The following IPO11 variants were observed in gnomAD, a reference collection of about 807,000 sequenced individuals.
The protein encoded by IPO11 is importin 11.
In IPO11, 66 loss-of-function variants were observed where a neutral mutation model predicts 143.2. The ratio of observed to expected loss-of-function variants is 0.46; its 90% CI spans 0.38 to 0.57. The LOEUF (loss-of-function observed/expected upper bound fraction) is 0.57, where lower values mean the gene tolerates loss of function less well. Ranked by LOEUF, IPO11 falls within the 20% of genes least tolerant of loss-of-function variation. The pLI is 0.00. For missense variants in IPO11, 1,026 were observed against 1,141.0 expected (o/e 0.90, Z 1.45); for synonymous variants, 385 against 377.8 (o/e 1.02, Z -0.22).
intron 28 of IPO11, among the ~76,000 whole-genome samples, chr5:62,598,867 C>A (rs1001212602): frequency 4.0e-5 from 6 of 151,628 alleles, no homozygotes. Context: ...CTTATATCAG[C>A]CTAGCTGAAA....
At chr5:62,534,439 A>G (rs564921499) in intron 22 of IPO11, among the ~76,000 whole-genome samples, 2 of 152,312 alleles carry the variant, frequency 1.3e-5, no homozygotes, top group African/African-American at 4.8e-5. Flanking sequence ...AGAAATTTAA[A>G]GGAATATATA....
chr5:62,496,214 G>T (rs1741146838), intron 16 of IPO11, among the ~76,000 whole-genome samples: 1 of 151,928 alleles, frequency 6.6e-6, no homozygotes, highest in South Asian at 2.1e-4. Context: ...CTTGAACCTG[G>T]GAGGCAAAGG....
intron 3 of IPO11, among the ~76,000 whole-genome samples, chr5:62,449,128 G>A (rs1477627073): frequency 6.6e-6 from 1 of 152,018 alleles, no homozygotes; most frequent in Non-Finnish European, 1.5e-5. Flanking sequence ...TGACCTCTTG[G>A]GCTCATAGGA....
chr5:62,540,286 A>T (rs183040673), intron 24 of IPO11, among the ~76,000 whole-genome samples: 10 of 150,852 alleles, frequency 6.6e-5, no homozygotes, highest in Admixed American at 6.6e-4. Context: ...TTCCTCAGTT[A>T]TTAGATGAGG....
chr5:62,615,781 C>T (rs1746108914), intron 29 of IPO11, among the ~76,000 whole-genome samples: 2 of 152,180 alleles, frequency 1.3e-5, no homozygotes, highest in Admixed American at 6.5e-5. Flanking sequence ...CATTTGTTTA[C>T]TTTCCTTGGA....
At chr5:62,551,784 A>T (rs1263577208) in intron 26 of IPO11, among the ~76,000 whole-genome samples, 1 of 152,176 alleles carries the variant, frequency 6.6e-6, no homozygotes, top group African/African-American at 2.4e-5. Context: ...TGTAGTTGAT[A>T]TCTGTTACCA....
chr5:62,570,559 C>T (rs1015184514), intron 27 of IPO11, among the ~76,000 whole-genome samples: 2 of 152,138 alleles, frequency 1.3e-5, no homozygotes, highest in Non-Finnish European at 2.9e-5. Context: ...ACTGAGGGCA[C>T]ATTGTACTTC....
chr5:62,600,608 C>G (rs1490089444), intron 28 of IPO11, among the ~76,000 whole-genome samples: 5 of 152,114 alleles, frequency 3.3e-5, no homozygotes, highest in Non-Finnish European at 1.5e-5. Flanking sequence ...TATTAAATAG[C>G]TTTTGGGTTG....
intron 29 of IPO11, among the ~76,000 whole-genome samples, chr5:62,610,929 C>T (rs141093139): frequency 1.1e-3 from 174 of 152,190 alleles, no homozygotes; most frequent in Non-Finnish European, 1.3e-3. Context: ...TAACTTATTA[C>T]CAGGCCAGTT....
At chr5:62,520,376 T>C (rs556830448) in intron 20 of IPO11, among the ~76,000 whole-genome samples, 231 of 129,494 alleles carry the variant, frequency 1.8e-3, no homozygotes, top group African/African-American at 8.5e-3. Context: ...ATACGACAGA[T>C]TTTTTTTTTT....
intron 21 of IPO11, 170 bp downstream of exon 21, chr5:62,526,427 A>G (rs1409280318): frequency 5.8e-6 from 3 of 513,648 alleles, no homozygotes; most frequent in Non-Finnish European, 1.0e-5. Flanking sequence ...CAATCAGTGT[A>G]GGATTATAGT....
intron 28 of IPO11, among the ~76,000 whole-genome samples, chr5:62,592,192 T>A (rs1419553351): frequency 1.3e-5 from 2 of 152,212 alleles, no homozygotes; most frequent in Non-Finnish European, 2.9e-5. Context: ...TGAATTGAGC[T>A]GCTTTGATTT....
At chr5:62,537,675 A>G (rs1308129911) in intron 24 of IPO11, among the ~76,000 whole-genome samples, 4 of 152,174 alleles carry the variant, frequency 2.6e-5, no homozygotes, top group African/African-American at 7.2e-5. Context: ...TGTTGGGACA[A>G]AGTTTTCACG....
chr5:62,502,803 C>CTTT (rs1741393654), intron 16 of IPO11, among the ~76,000 whole-genome samples: 1 of 151,544 alleles, frequency 6.6e-6, no homozygotes, highest in Admixed American at 6.6e-5. Flanking sequence ...TTTTCTTTTC[C>CTTT]TTTCCTTTCC....
At chr5:62,624,780 C>T (rs1053506751) in intron 29 of IPO11, among the ~76,000 whole-genome samples, 1 of 151,886 alleles carries the variant, frequency 6.6e-6, no homozygotes, top group Non-Finnish European at 1.5e-5. Context: ...GTCAGGAGAT[C>T]GAGATCATCC....
intron 21 of IPO11, 134 bp downstream of exon 21, chr5:62,526,391 A>G (rs1469956012): frequency 6.6e-6 from 4 of 607,408 alleles, no homozygotes; most frequent in Non-Finnish European, 5.8e-6. Context: ...AAACTGGGGC[A>G]TATATCTCCT....
intron 1 of IPO11, among the ~76,000 whole-genome samples, chr5:62,414,387 A>G (rs1014180122): frequency 2.0e-5 from 3 of 152,130 alleles, no homozygotes; most frequent in South Asian, 2.1e-4. Flanking sequence ...TTTGTGTTAT[A>G]TATTTGTACC....
intron 16 of IPO11, among the ~76,000 whole-genome samples, chr5:62,504,235 G>A (rs780008689): frequency 2.0e-5 from 3 of 152,118 alleles, no homozygotes; most frequent in Non-Finnish European, 4.4e-5. Flanking sequence ...GAGGTTACAG[G>A]TGGAAATTTG....
intron 29 of IPO11, among the ~76,000 whole-genome samples, chr5:62,613,298 CTTTTTTTTTTT>C (rs372608086): frequency 4.3e-5 from 3 of 69,054 alleles, no homozygotes; most frequent in African/African-American, 1.6e-4. Context: ...ACATGCTCTT[CTTTTTTTTTTT>C]TTTTTTTTTT....
Sources: gnomAD v4.1 joint callset for allele counts (sites outside exome capture counted in the v4.1 genomes callset) on GRCh38, gnomAD v4.1.1 for gene constraint, MANE v1.5 for transcripts, NCBI Gene and HGNC (gene_info 2026-07-23, HGNC 2026-07-21) for gene names.